Variants in VPS13B observed in about 807,000 individuals in gnomAD.
VPS13B encodes intermembrane lipid transfer protein VPS13B.
VPS13B carries 285 observed loss-of-function variants against 426.4 expected under a neutral mutation model. The ratio of observed to expected loss-of-function variants is 0.67; its 90% CI spans 0.61 to 0.74. The LOEUF is 0.74. Among genes scored for constraint, VPS13B ranks in the 30% least tolerant of loss-of-function variants. The probability of loss-of-function intolerance (pLI) is 0.00; values close to 1 mark genes in which losing one functional copy is unlikely to be tolerated. For missense variants in VPS13B, 4,537 were observed against 4,782.6 expected, an observed-to-expected ratio of 0.95 and a Z score of 1.51; for synonymous variants, 1,676 against 1,676.4, an observed-to-expected ratio of 1.00 and a Z score of 0.01.
chr8:99,312,551 T>C (rs1821050068), intron 19 of VPS13B, among the ~76,000 whole-genome samples: 1 of 152,264 alleles, frequency 6.6e-6, no homozygotes, highest in African/African-American at 2.4e-5. Flanking sequence ...GTTGGTCCGA[T>C]GGGCTTCCCT....
At chr8:99,545,715 C>T (rs527766822) in intron 30 of VPS13B, among the ~76,000 whole-genome samples, 9 of 151,942 alleles carry the variant, frequency 5.9e-5, no homozygotes, top group Non-Finnish European at 1.2e-4. Context: ...GCACTATACA[C>T]TTAGGATTAT....
At chr8:99,536,999 G>A in intron 30 of VPS13B, 2 of 329,478 alleles carry the variant, frequency 6.1e-6, no homozygotes, top group East Asian at 8.2e-5. Flanking sequence ...TTGTCCTTCT[G>A]GTAAACCATG....
intron 9 of VPS13B, 46 bp downstream of exon 9, chr8:99,134,773 T>C (rs754412677): frequency 1.4e-6 from 2 of 1,435,400 alleles, no homozygotes; most frequent in South Asian, 1.2e-5. Flanking sequence ...TTTTGTTCTT[T>C]AATATTTTAT....
At chr8:99,228,143 T>C (rs1337404322) in intron 17 of VPS13B, among the ~76,000 whole-genome samples, 1 of 152,208 alleles carries the variant, frequency 6.6e-6, no homozygotes, top group Non-Finnish European at 1.5e-5. Context: ...AAAAATAAAA[T>C]GGCTTAACTG....
chr8:99,659,391 T>C (rs1051025869), intron 34 of VPS13B, among the ~76,000 whole-genome samples: 7 of 152,170 alleles, frequency 4.6e-5, no homozygotes, highest in African/African-American at 1.7e-4. Context: ...TGTTACAATT[T>C]CATCTTTTCT....
chr8:99,682,055 A>C (rs1306208985), intron 35 of VPS13B, among the ~76,000 whole-genome samples: 1 of 152,262 alleles, frequency 6.6e-6, no homozygotes, highest in Non-Finnish European at 1.5e-5. Flanking sequence ...GATGTTTTTT[A>C]AATCAGCCTG....
intron 54 of VPS13B, among the ~76,000 whole-genome samples, chr8:99,839,221 G>A (rs768327235): frequency 7.9e-5 from 12 of 152,166 alleles, no homozygotes; most frequent in Non-Finnish European, 1.8e-4. Flanking sequence ...GCAGACATTC[G>A]TAGTCGGGTC....
At chr8:99,311,375 T>G (rs200031864) in intron 19 of VPS13B, among the ~76,000 whole-genome samples, 10 of 152,100 alleles carry the variant, frequency 6.6e-5, no homozygotes, top group South Asian at 2.1e-4. Context: ...TTGTGTCTTT[T>G]TTCTCATTGG....
At chr8:99,764,543 A>G (rs1811110737) in intron 39 of VPS13B, among the ~76,000 whole-genome samples, 1 of 150,296 alleles carries the variant, frequency 6.7e-6, no homozygotes, top group African/African-American at 2.5e-5. Context: ...CCTCCTGAAT[A>G]GCTGGGACTA....
intron 23 of VPS13B, among the ~76,000 whole-genome samples, chr8:99,446,548 A>T (rs1428582148): frequency 6.6e-6 from 1 of 151,284 alleles, no homozygotes; most frequent in South Asian, 2.1e-4. Context: ...TTGATTTTTT[A>T]CTGTATTTTC....
chr8:99,672,887 C>A (rs1588611556), intron 35 of VPS13B, among the ~76,000 whole-genome samples: 1 of 151,960 alleles, frequency 6.6e-6, no homozygotes, highest in Non-Finnish European at 1.5e-5. Context: ...TTTTTCTGCA[C>A]CTGTTGAAAT....
Position 99,873,619 on chromosome 8 carries a change from C to T in VPS13B, c.11746-1799C>T, listed in dbSNP as rs539827773. 1.1e-3 allele frequency among the ~76,000 whole-genome samples: 164 copies of T among 152,296 alleles called. 1 individual carries two copies. The highest frequency in any genetic ancestry group is 3.9e-3 in the African/African-American group (160 of 41,546). On this transcript the variant is annotated intron_variant, in intron 61 of 61. Transcript: ENST00000357162. ...GCTTTCTCTATTCCACTTTCTCTCT[C>T]CTGAAGTCATTAATAGGAATAACTG... is the stretch of plus-strand genomic sequence containing the variant.
chr8:99,716,270 C>A (rs990560101), intron 36 of VPS13B, among the ~76,000 whole-genome samples: 2 of 152,046 alleles, frequency 1.3e-5, no homozygotes, highest in African/African-American at 4.8e-5. Context: ...GGTTACTGTA[C>A]TTTAAAACAT....
intron 36 of VPS13B, among the ~76,000 whole-genome samples, chr8:99,705,745 G>T (rs1832472934): frequency 6.6e-6 from 1 of 152,090 alleles, no homozygotes; most frequent in Non-Finnish European, 1.5e-5. Flanking sequence ...TTGTTTTAGT[G>T]CTGTGTGGTT....
intron 19 of VPS13B, among the ~76,000 whole-genome samples, chr8:99,338,147 C>T (rs1299401944): frequency 6.6e-6 from 1 of 151,956 alleles, no homozygotes; most frequent in Non-Finnish European, 1.5e-5. Flanking sequence ...TCTAATTTTG[C>T]TATTTAAAAA....
At chr8:99,027,126 C>T (rs1167881640) in intron 2 of VPS13B, among the ~76,000 whole-genome samples, 1 of 152,186 alleles carries the variant, frequency 6.6e-6, no homozygotes, top group Non-Finnish European at 1.5e-5. Context: ...ATCTACCTGC[C>T]TCGGCCTCCC....
chr8:99,112,370 TG>T (rs906671355), intron 6 of VPS13B, among the ~76,000 whole-genome samples: 2 of 152,192 alleles, frequency 1.3e-5, no homozygotes, highest in African/African-American at 4.8e-5. Flanking sequence ...AAATTAGTTT[TG>T]TTTTTGTTAC....
chr8:99,871,284 A>G (rs1817397078), intron 60 of VPS13B, 164 bp from the exon 61 acceptor site: 1 of 1,084,052 alleles, frequency 9.2e-7, no homozygotes, highest in South Asian at 1.4e-5. Flanking sequence ...GTTAATCAGA[A>G]TCAGTCTGAG....
At chr8:99,467,111 G>A (rs1819150452) in intron 23 of VPS13B, among the ~76,000 whole-genome samples, 2 of 152,082 alleles carry the variant, frequency 1.3e-5, no homozygotes, top group South Asian at 2.1e-4. Flanking sequence ...GTTTGCATAC[G>A]TCCCCAACAG....
Sources: allele counts gnomAD v4.1 joint callset (sites outside exome capture counted in the v4.1 genomes callset), GRCh38; gene constraint gnomAD v4.1.1; transcripts MANE v1.5; gene names NCBI Gene and HGNC (gene_info 2026-07-23, HGNC 2026-07-21).